VWA3B: variants seen among roughly 807,000 people sequenced by gnomAD.
VWA3B encodes von Willebrand factor A domain-containing protein 3B.
In VWA3B, 138 loss-of-function variants were observed where a neutral mutation model predicts 158.3. The observed-to-expected ratio is 0.87, with a 90% CI of 0.76 to 1.00. The LOEUF (loss-of-function observed/expected upper bound fraction) is 1.00. Among genes scored for constraint, VWA3B ranks in the 50% least tolerant of loss-of-function variants. VWA3B has a pLI of 0.00. For synonymous variants in VWA3B, 596 were observed against 587.3 expected, an observed-to-expected ratio of 1.01 and a Z score of -0.21; for missense variants, 1,555 against 1,565.1, an observed-to-expected ratio of 0.99 and a Z score of 0.11.
intron 8 of VWA3B, among the ~76,000 whole-genome samples, chr2:98,169,645 A>G (rs756148994): frequency 7.2e-5 from 11 of 152,190 alleles, no homozygotes; most frequent in Admixed American, 1.3e-4. Flanking sequence ...AGGACAAAGT[A>G]GAAGAGAAGG....
In VWA3B at chr2:98,197,127, A is replaced by G. The variant is rs141257749; in HGVS notation, c.1737+2635A>G. ...TCTTCCAATCTGTGACAGTTCTTCA[A>G]TCTCGCCTTGTCTTTTGTGACCTTG... On this transcript the variant is annotated intron_variant, in intron 12 of 27. Transcript: ENST00000477737. Among the ~76,000 whole-genome samples the G allele has an allele frequency of 8.0e-3, 1,215 of 152,288 alleles. 17 individuals carry two copies. The highest frequency in any genetic ancestry group is 0.028 in the African/African-American group (1,177 of 41,570).
At chr2:98,286,517 A>G (rs952427336) in intron 22 of VWA3B, among the ~76,000 whole-genome samples, 1 of 152,156 alleles carries the variant, frequency 6.6e-6, no homozygotes, top group African/African-American at 2.4e-5. Context: ...GCATTGAAAT[A>G]ACCATATGGT....
In VWA3B at chr2:98,261,073, G is replaced by T. The variant is rs575206776; in HGVS notation, c.2843+4899G>T. On this transcript the variant is annotated intron_variant, in intron 21 of 27. Transcript: ENST00000477737. Reference sequence around the variant, plus strand: ...ATTTACTTCTGCCATTGTGCTATTTGTTTTGCATGTCAAAAGTTTTGTTCC... The same window carrying T: ...ATTTACTTCTGCCATTGTGCTATTTTTTTTGCATGTCAAAAGTTTTGTTCC... Among the ~76,000 whole-genome samples the T allele has an allele frequency of 5.9e-5, 9 of 151,718 alleles. No individual in the cohort carries two copies. The East Asian group carries it at 1.4e-3, about 23-fold the overall frequency.
At chr2:98,210,608 G>A (rs1683430273) in intron 12 of VWA3B, among the ~76,000 whole-genome samples, 1 of 152,254 alleles carries the variant, frequency 6.6e-6, no homozygotes, top group African/African-American at 2.4e-5. Flanking sequence ...CATCATGGCT[G>A]AGTCTGAGAA....
intron 6 of VWA3B, among the ~76,000 whole-genome samples, chr2:98,129,955 GAA>G (rs1287446052): frequency 2.0e-4 from 31 of 152,274 alleles, no homozygotes; most frequent in African/African-American, 7.5e-4. Flanking sequence ...ATTTGGAAAA[GAA>G]AGAGACACAA....
intron 26 of VWA3B, among the ~76,000 whole-genome samples, chr2:98,311,020 A>G (rs1218897966): frequency 6.6e-6 from 1 of 152,268 alleles, no homozygotes; most frequent in African/African-American, 2.4e-5. Flanking sequence ...AAGCAGTAAT[A>G]GTCAGAAGTT....
intron 22 of VWA3B, 79 bp downstream of exon 22, chr2:98,270,962 C>A: frequency 7.2e-7 from 1 of 1,387,736 alleles, no homozygotes; most frequent in Non-Finnish European, 1.0e-6. Flanking sequence ...TGGCTTCCTT[C>A]TCTGTCTCCC....
chr2:98,297,161 A>G (rs1353450605), intron 23 of VWA3B, among the ~76,000 whole-genome samples: 1 of 151,556 alleles, frequency 6.6e-6, no homozygotes, highest in Non-Finnish European at 1.5e-5. Flanking sequence ...AGCTCACTGC[A>G]ACCTCCACCT....
intron 7 of VWA3B, among the ~76,000 whole-genome samples, chr2:98,138,382 A>G (rs1676455127): frequency 6.6e-6 from 1 of 152,238 alleles, no homozygotes; most frequent in Admixed American, 6.5e-5. Flanking sequence ...AGAGCAGGCA[A>G]GAAGTTCTGT....
Position 98,111,029 on chromosome 2 carries a change from T to C in VWA3B, c.197-4623T>C, listed in dbSNP as rs928679308. ...CAGCCACATGGGACTGTAAGTCCATTAAACCTCTTTCCTTTGTAAATTTCC... is the reference window on the plus strand; with the variant it reads ...CAGCCACATGGGACTGTAAGTCCATCAAACCTCTTTCCTTTGTAAATTTCC... On this transcript the variant is annotated intron_variant, in intron 2 of 27. Transcript: ENST00000477737. Among the ~76,000 whole-genome samples the C allele has an allele frequency of 2.6e-5, 4 of 152,206 alleles. 1 individual carries two copies. Among genetic ancestry groups the C allele is most frequent in the African/African-American group, 9.6e-5 (4 of 41,456 alleles).
intron 9 of VWA3B, 61 bp downstream of exon 9, chr2:98,181,273 G>A (rs1027372367): frequency 2.6e-6 from 4 of 1,568,624 alleles, no homozygotes; most frequent in Non-Finnish European, 3.5e-6. Flanking sequence ...GGTGGGTGAG[G>A]CCTCCATCGG....
At chr2:98,221,070 G>A (rs556672896) in intron 14 of VWA3B, among the ~76,000 whole-genome samples, 12 of 152,098 alleles carry the variant, frequency 7.9e-5, no homozygotes, top group African/African-American at 2.9e-4. Flanking sequence ...AACCACTGTG[G>A]CATATGTTTA....
In VWA3B at chr2:98,270,746, C is replaced by G; in HGVS notation, c.2908C>G (p.Arg970Gly). ...AACAGTTTTAAACCAGGCTTTAGAA[C>G]GGTTGAATTGGCCCATTTCACTGAA... is the stretch of plus-strand genomic sequence containing the variant. ...NKTVLNQALERLNWPISLKEL... is the reference protein window; with the variant it reads ...NKTVLNQALEGLNWPISLKEL... The change falls in exon 22 of 28, where the codon CGG becomes GGG. Residue 970 changes from arginine to glycine, a missense_variant. By Grantham distance (125) the Arg-to-Gly change is moderately radical (BLOSUM62 -2). Transcript: ENST00000477737. The G allele has an allele frequency of 1.2e-6, 2 of 1,614,052 alleles. No individual in the cohort carries two copies. Among genetic ancestry groups the G allele is most frequent in the Non-Finnish European group, 1.7e-6 (2 of 1,179,968 alleles).
At chr2:98,307,043 C>G (rs1690569243) in intron 26 of VWA3B, among the ~76,000 whole-genome samples, 1 of 152,196 alleles carries the variant, frequency 6.6e-6, no homozygotes, top group South Asian at 2.1e-4. Context: ...GCTGGGATTT[C>G]CTTCTGGTAG....
intron 13 of VWA3B, among the ~76,000 whole-genome samples, chr2:98,214,064 A>T (rs1429646654): frequency 6.6e-6 from 1 of 152,030 alleles, no homozygotes; most frequent in African/African-American, 2.4e-5. Flanking sequence ...GGTGGTGTGC[A>T]CCTGTAGTCC....
At chr2:98,204,614 A>T (rs2105496046) in intron 12 of VWA3B, among the ~76,000 whole-genome samples, 1 of 152,280 alleles carries the variant, frequency 6.6e-6, no homozygotes, top group East Asian at 1.9e-4. Flanking sequence ...TAAATTTGCT[A>T]ATATTTGTTG....
rs139274082 is a variant in VWA3B, at chr2:98,288,116, A to G, written c.3046-2395A>G. Among the ~76,000 whole-genome samples the G allele has an allele frequency of 2.8e-4, 43 of 152,258 alleles. No homozygotes were observed. The East Asian group carries it at 8.1e-3, about 29-fold the overall frequency. ...TCATTCCAATATCTGAGCCTTCCCA[A>G]TTTGGGACTCTATTGATTGCCTTTT... On this transcript the variant is annotated intron_variant, in intron 22 of 27. Coordinates refer to ENST00000477737, the MANE Select transcript of VWA3B (RefSeq NM_144992.5).
At chr2:98,181,244 G>A (rs1680555392) in intron 9 of VWA3B, 32 bp downstream of exon 9, 2 of 1,603,362 alleles carry the variant, frequency 1.2e-6, no homozygotes, top group East Asian at 2.2e-5. Flanking sequence ...GAGGGGCTGG[G>A]GCCTCCCCTC....
intron 12 of VWA3B, among the ~76,000 whole-genome samples, chr2:98,211,091 C>T (rs1372239936): frequency 6.6e-6 from 1 of 152,228 alleles, no homozygotes; most frequent in Non-Finnish European, 1.5e-5. Flanking sequence ...TTGGGGGTCT[C>T]GTTCCTGATG....
Sources: allele counts gnomAD v4.1 joint callset (sites outside exome capture counted in the v4.1 genomes callset), GRCh38; gene constraint gnomAD v4.1.1; transcripts MANE v1.5; gene names NCBI Gene and HGNC (gene_info 2026-07-23, HGNC 2026-07-21).